Variants in TLCD3B observed in about 807,000 individuals in gnomAD.
TLCD3B encodes the protein TLC domain containing 3B, also known as ceramide synthase.
A neutral mutation model predicts 23.0 loss-of-function variants in TLCD3B; 9 were observed. The observed-to-expected ratio is 0.39, with a 90% CI of 0.24 to 0.68. The LOEUF is 0.68. Among genes scored for constraint, TLCD3B ranks in the 30% least tolerant of loss-of-function variants. The pLI, the probability that TLCD3B is intolerant of heterozygous loss-of-function variation, is 0.44. For synonymous variants in TLCD3B, 161 were observed against 161.0 expected (o/e 1.00, Z 0.00); for missense variants, 307 against 371.8 (o/e 0.83, Z 1.43).
At position 30,025,892 on chromosome 16, in the gene TLCD3B, C is replaced by A; in HGVS notation, c.445-71G>T. ...TTCTTGGGCAGCCCCCGCCCTTCCT[C>A]TTTCCCCTCTGTCACTTTGGGAGAT... On this transcript the variant is annotated intron_variant, in intron 3 of 4. Transcript: ENST00000380495. The surrounding 1 kb of genome is among the most constrained non-coding windows in gnomAD (Gnocchi z 4.1). 1 of 1,194,454 alleles carries A rather than the reference C, an allele frequency of 8.4e-7. No individual in the cohort carries two copies. The allele number at this position is 1,194,454 out of a possible 1,614,324, so 74.0% of individuals were successfully genotyped here.
upstream of TLCD3B, among the ~76,000 whole-genome samples, chr16:30,036,003 T>C (rs1428783795): frequency 6.6e-6 from 1 of 152,060 alleles, no homozygotes; most frequent in African/African-American, 2.4e-5. Context: ...CCTCAAGTGA[T>C]CTGCCCGCTT....
Position 30,026,800 on chromosome 16 carries a change from A to C in TLCD3B, c.253T>G (p.Phe85Val). 1.2e-6 allele frequency: 2 copies of C among 1,614,156 alleles called. No homozygotes were observed. Among genetic ancestry groups the C allele is most frequent in the Non-Finnish European group, 1.7e-6 (2 of 1,180,014 alleles). The part of the protein sequence containing the change: ...SAYTQFAVPY[F>V]IYDIYAMFLC... ...AACATGGCGTAGATGTCGTAGATGAAGTAGGGCACAGCAAATTGCGTGTAG... is the reference window on the plus strand; with the variant it reads ...AACATGGCGTAGATGTCGTAGATGACGTAGGGCACAGCAAATTGCGTGTAG... Residue 85 changes from phenylalanine to valine, a missense_variant, in exon 3 of 5, where the codon TTC (phenylalanine) becomes GTC (valine). Phe to Val is a conservative substitution (Grantham distance 50). Coordinates refer to ENST00000380495, the MANE Select transcript of TLCD3B (RefSeq NM_031478.6).
chr16:30,039,838 G>T (rs1231898942), intron 3 of TLCD3B, among the ~76,000 whole-genome samples: 2 of 150,090 alleles, frequency 1.3e-5, no homozygotes, highest in Non-Finnish European at 3.0e-5. Flanking sequence ...AAAATTAAAA[G>T]TTAAACCAAG....
intron 2 of TLCD3B, among the ~76,000 whole-genome samples, chr16:30,045,352 GGTGT>G (rs201802930): frequency 5.6e-5 from 8 of 143,216 alleles, no homozygotes; most frequent in African/African-American, 1.5e-4. Flanking sequence ...TTGTGTGTGT[GGTGT>G]GTGTGTGTGT....
chr16:30,024,897 T>G lies in TLCD3B; in HGVS notation c.*286A>C. The stretch of plus-strand genomic sequence containing the variant: ...ACTCCTGGTCCCCTTGAAACCCTGT[T>G]GGTGTCCCTCCCCACAAGCCCTCCT... On this transcript the variant is annotated 3_prime_UTR_variant, in exon 5 of 5. Coordinates refer to ENST00000380495, the MANE Select transcript of TLCD3B (RefSeq NM_031478.6). 5.4e-6 allele frequency: 2 copies of G among 370,308 alleles called. No homozygotes were observed. The highest frequency in any genetic ancestry group is 4.6e-5 in the East Asian group (1 of 21,638). The allele number at this position is 370,308 out of a possible 1,614,324, so 22.9% of individuals were successfully genotyped here.
chr16:30,050,178 G>A (rs371283822), intron 1 of TLCD3B, among the ~76,000 whole-genome samples: 110 of 152,168 alleles, frequency 7.2e-4, no homozygotes, highest in African/African-American at 2.7e-3. Flanking sequence ...ATGTGTTCCT[G>A]GAGGCCTTTT....
chr16:30,027,247 G>A, intron 2 of TLCD3B: 1 of 447,284 alleles, frequency 2.2e-6, no homozygotes, highest in South Asian at 1.6e-5. Context: ...AGGGGCGAGA[G>A]TGCTGGAGAG....
chr16:30,039,721 C>T (rs2071542729), intron 3 of TLCD3B, among the ~76,000 whole-genome samples: 1 of 152,066 alleles, frequency 6.6e-6, no homozygotes, highest in South Asian at 2.1e-4. Flanking sequence ...AAGCAATCCC[C>T]TTGCCTTGGC....
upstream of TLCD3B, among the ~76,000 whole-genome samples, chr16:30,035,845 C>G (rs940175521): frequency 1.3e-5 from 2 of 151,282 alleles, no homozygotes; most frequent in African/African-American, 4.9e-5. Flanking sequence ...TCACTGCAAC[C>G]TCCACCTCCC....
At chr16:30,050,261 G>A (rs2071730459) in intron 1 of TLCD3B, among the ~76,000 whole-genome samples, 3 of 152,316 alleles carry the variant, frequency 2.0e-5, no homozygotes, top group South Asian at 2.1e-4. Flanking sequence ...GCCCAAGGCC[G>A]GGCACAGTGG....
chr16:30,042,299 C>T (rs1437636814), intron 2 of TLCD3B, among the ~76,000 whole-genome samples: 3 of 151,986 alleles, frequency 2.0e-5, no homozygotes, highest in Non-Finnish European at 4.4e-5. Flanking sequence ...AGTGCAGTGG[C>T]ACGATCTTGT....
rs527728685 is a variant in TLCD3B, at chr16:30,025,398, G to A, written c.610C>T (p.Arg204Trp). Residue 204 changes from arginine to tryptophan, a missense_variant, in exon 5 of 5, where the codon CGG becomes TGG. Arg to Trp is a moderately radical substitution (Grantham distance 101). Transcript: ENST00000380495. This position sits in a 1 kb window ranked among gnomAD's most constrained non-coding sequence, Gnocchi z 4.1. ...ALMLLSFLCC[R>W]VLLFPYLYWA... ...TACAGGTAGGGAAAGAGCAGCACCCGGCAGCAGAGGAAGCTGAGCAGCATC... is the reference window on the plus strand; with the variant it reads ...TACAGGTAGGGAAAGAGCAGCACCCAGCAGCAGAGGAAGCTGAGCAGCATC... 9.3e-6 allele frequency: 15 copies of A among 1,611,514 alleles called. No homozygotes were observed. The highest frequency in any genetic ancestry group is 2.2e-5 in the East Asian group (1 of 44,752).
At position 30,030,489 on chromosome 16, in the gene TLCD3B, G is replaced by C. The variant is rs573035515; in HGVS notation, c.39C>G (p.Pro13=). The C allele has an allele frequency of 6.2e-7, 1 of 1,603,292 alleles. No individual in the cohort carries two copies. Among genetic ancestry groups the C allele is most frequent in the Non-Finnish European group, 8.5e-7 (1 of 1,176,156 alleles). ...TGTTCTTGGAGAGGAGGAAGAGTCC[G>C]GGGAACACCACCCCCCCGGCCACCA... ...TPMVAGGVVF[P]GLFLLSKNTL... The change falls in exon 1 of 5, where the codon CCC becomes CCG. Residue 13 remains proline, a synonymous_variant. Coordinates refer to ENST00000380495, the MANE Select transcript of TLCD3B (RefSeq NM_031478.6).
rs2071161426 is a variant in TLCD3B, at chr16:30,026,782, C to T, written c.271G>A (p.Ala91Thr). 3.7e-6 allele frequency: 6 copies of T among 1,613,980 alleles called. No homozygotes were observed. The highest frequency in any genetic ancestry group is 4.5e-5 in the East Asian group (2 of 44,896). ...TTGTGCCAGTGACAGAGGAACATGG[C>T]GTAGATGTCGTAGATGAAGTAGGGC... ...AVPYFIYDIY[A>T]MFLCHWHKHQ... The change falls in exon 3 of 5, where the codon GCC becomes ACC. Residue 91 changes from alanine (A) to threonine (T), a missense_variant. Coordinates refer to ENST00000380495, the MANE Select transcript of TLCD3B (RefSeq NM_031478.6).
rs1275008742 is a variant in TLCD3B, at chr16:30,024,977, C to T, written c.*206G>A. On this transcript the variant is annotated 3_prime_UTR_variant, in exon 5 of 5. Transcript: ENST00000380495. ...TCCCCTCCTCCAGCGCAAGGGTGTG[C>T]AGGAAGGGGGCAGAGTAGGGGGAAG... The T allele has an allele frequency of 7.9e-6, 4 of 505,602 alleles. No individual in the cohort carries two copies. Among genetic ancestry groups the T allele is most frequent in the Non-Finnish European group, 1.4e-5 (4 of 290,280 alleles). The allele number at this position is 505,602 out of a possible 1,614,324, so 31.3% of individuals were successfully genotyped here.
chr16:30,030,585 G>A lies in TLCD3B; in HGVS notation c.-58C>T, dbSNP rs958083043. On this transcript the variant is annotated 5_prime_UTR_variant, in exon 1 of 5. Transcript: ENST00000380495. ...GGCCGTGAAGGGGCAGGGAGGCCGA[G>A]TGGAAGGAGTTAGGGGTGGAGAAGG... is the stretch of plus-strand genomic sequence containing the variant. The A allele has an allele frequency of 6.6e-7, 1 of 1,505,738 alleles. No individual in the cohort carries two copies. Among genetic ancestry groups the A allele is most frequent in the African/African-American group, 1.4e-5 (1 of 70,954 alleles). 93.3% of individuals were successfully genotyped at this position (1,505,738 alleles called of 1,614,324 possible).
intron 3 of TLCD3B, among the ~76,000 whole-genome samples, chr16:30,037,263 C>G (rs2071491795): frequency 6.6e-6 from 1 of 151,724 alleles, no homozygotes; most frequent in Non-Finnish European, 1.5e-5. Flanking sequence ...GAATAATAGG[C>G]CGGGCACGGT....
At position 30,025,998 on chromosome 16, in the gene TLCD3B, C is replaced by G. The variant is rs1007712039; in HGVS notation, c.445-177G>C. Among the ~76,000 whole-genome samples the G allele has an allele frequency of 2.0e-5, 3 of 151,712 alleles. No individual in the cohort carries two copies. The highest frequency in any genetic ancestry group is 7.3e-5 in the African/African-American group (3 of 41,278). On this transcript the variant is annotated intron_variant, in intron 3 of 4. Coordinates refer to ENST00000380495, the MANE Select transcript of TLCD3B (RefSeq NM_031478.6). The surrounding 1 kb of genome is among the most constrained non-coding windows in gnomAD (Gnocchi z 4.1). ...CCGGTAATCCCAGCACTTTGGGAGG[C>G]TGAGGCAGGTGGATCACGAGGTCAG...
At chr16:30,049,486 C>A (rs2071718342) in intron 1 of TLCD3B, among the ~76,000 whole-genome samples, 1 of 152,176 alleles carries the variant, frequency 6.6e-6, no homozygotes, top group South Asian at 2.1e-4. Context: ...ATCCTGTCTG[C>A]CCTTTCCTAG....
Sources: gnomAD v4.1 joint callset for allele counts (sites outside exome capture counted in the v4.1 genomes callset) on GRCh38, gnomAD v4.1.1 for gene constraint, Gnocchi (gnomAD v3.1) non-coding constraint, MANE v1.5 for transcripts, NCBI Gene and HGNC (gene_info 2026-07-23, HGNC 2026-07-21) for gene names.